ERC2: variants seen among roughly 807,000 people sequenced by gnomAD.
ERC2 encodes ELKS/RAB6-interacting/CAST family member 2.
A neutral mutation model predicts 114.8 loss-of-function variants in ERC2; 42 were observed. The observed-to-expected ratio is 0.37, with a 90% CI of 0.29 to 0.47. The LOEUF (loss-of-function observed/expected upper bound fraction) is 0.47. ERC2 is among the 20% of genes least tolerant of loss of function. The probability of loss-of-function intolerance (pLI) is 0.99; values close to 1 mark genes in which losing one functional copy is unlikely to be tolerated. For synonymous variants in ERC2, 454 were observed against 425.5 expected, an observed-to-expected ratio of 1.07 and a Z score of -0.82; for missense variants, 939 against 1,150.7, an observed-to-expected ratio of 0.82 and a Z score of 2.66.
intron 2 of ERC2, among the ~76,000 whole-genome samples, chr3:56,310,698 G>A (rs1250091653): frequency 1.3e-5 from 2 of 152,116 alleles, no homozygotes; most frequent in African/African-American, 4.8e-5. Flanking sequence ...TGAGAAGGGA[G>A]AATAACAGAC....
At chr3:55,631,782 G>A (rs1388279320) in intron 17 of ERC2, among the ~76,000 whole-genome samples, 1 of 152,206 alleles carries the variant, frequency 6.6e-6, no homozygotes, top group African/African-American at 2.4e-5. Flanking sequence ...AATCCACACT[G>A]TTGGCTTCTA....
chr3:55,766,390 GC>G (rs199668555), intron 14 of ERC2, among the ~76,000 whole-genome samples: 1,765 of 151,982 alleles, frequency 0.012, 29 homozygotes, highest in South Asian at 0.054. Flanking sequence ...ATGGAGTCTC[GC>G]TCTGTCGCCC....
intron 17 of ERC2, among the ~76,000 whole-genome samples, chr3:55,661,048 T>C (rs1251657303): frequency 2.6e-5 from 4 of 152,240 alleles, no homozygotes; most frequent in Admixed American, 2.6e-4. Context: ...CAGCTTGTCC[T>C]GTGGGCCAAG....
intron 7 of ERC2, among the ~76,000 whole-genome samples, chr3:56,031,099 A>G (rs944088859): frequency 2.5e-4 from 38 of 152,130 alleles, no homozygotes; most frequent in African/African-American, 8.9e-4. Flanking sequence ...GCTGGCCTCC[A>G]AATACTCAAG....
At chr3:55,855,976 C>T (rs1437674877) in intron 14 of ERC2, among the ~76,000 whole-genome samples, 3 of 152,308 alleles carry the variant, frequency 2.0e-5, no homozygotes, top group Admixed American at 6.5e-5. Flanking sequence ...ATTCTTTCCT[C>T]TCTTGCCCCT....
chr3:55,618,204 C>T (rs1206712895), intron 17 of ERC2, among the ~76,000 whole-genome samples: 3 of 151,840 alleles, frequency 2.0e-5, no homozygotes, highest in Non-Finnish European at 4.4e-5. Flanking sequence ...GAGCTCTTTA[C>T]CTATTGGAGT....
chr3:55,884,406 C>T (rs1358647057), intron 14 of ERC2, among the ~76,000 whole-genome samples: 1 of 152,144 alleles, frequency 6.6e-6, no homozygotes, highest in Admixed American at 6.5e-5. Context: ...TCTCTCTCTC[C>T]ATGTTAGGAT....
intron 13 of ERC2, among the ~76,000 whole-genome samples, chr3:55,949,300 G>T (rs1383421165): frequency 6.6e-6 from 1 of 152,110 alleles, no homozygotes; most frequent in Non-Finnish European, 1.5e-5. Context: ...AACCCGGGAG[G>T]TGGAGCTTGC....
intron 3 of ERC2, among the ~76,000 whole-genome samples, chr3:56,292,698 C>G (rs1032548951): frequency 6.6e-6 from 1 of 152,110 alleles, no homozygotes; most frequent in Non-Finnish European, 1.5e-5. Flanking sequence ...CATTTGTTAG[C>G]AGTGTGACAT....
At chr3:55,650,521 A>G (rs748886365) in intron 17 of ERC2, among the ~76,000 whole-genome samples, 3 of 152,120 alleles carry the variant, frequency 2.0e-5, no homozygotes, top group Non-Finnish European at 2.9e-5. Context: ...CTTTGTACTT[A>G]CCACTGTCTA....
At chr3:56,368,188 A>ATT (rs2059228384) in intron 2 of ERC2, among the ~76,000 whole-genome samples, 1 of 146,360 alleles carries the variant, frequency 6.8e-6, no homozygotes, top group Non-Finnish European at 1.5e-5. Context: ...TTTTTTTTAA[A>ATT]AAAAAAAAAA....
At chr3:55,974,846 A>G (rs1445350050) in intron 12 of ERC2, among the ~76,000 whole-genome samples, 3 of 152,204 alleles carry the variant, frequency 2.0e-5, no homozygotes, top group Admixed American at 2.0e-4. Flanking sequence ...TGCCAACACA[A>G]ACAGCTTCTC....
chr3:56,216,859 T>A (rs1274954780), intron 3 of ERC2, among the ~76,000 whole-genome samples: 3 of 152,190 alleles, frequency 2.0e-5, no homozygotes, highest in Non-Finnish European at 4.4e-5. Context: ...ATAAAAATAA[T>A]CCAGCATATA....
chr3:55,806,775 C>T (rs1254520986), intron 14 of ERC2, among the ~76,000 whole-genome samples: 2 of 152,186 alleles, frequency 1.3e-5, no homozygotes, highest in Non-Finnish European at 2.9e-5. Flanking sequence ...GGCCAACACA[C>T]CTGAGTTGGG....
intron 2 of ERC2, among the ~76,000 whole-genome samples, chr3:56,342,130 C>G (rs919791805): frequency 6.6e-6 from 1 of 152,260 alleles, no homozygotes; most frequent in African/African-American, 2.4e-5. Context: ...TCAGGCAACT[C>G]TCTTTCCAGC....
At chr3:55,747,174 C>G (rs545259403) in intron 14 of ERC2, among the ~76,000 whole-genome samples, 2 of 152,196 alleles carry the variant, frequency 1.3e-5, no homozygotes, top group African/African-American at 4.8e-5. Context: ...TATTCAAATC[C>G]CCATTCTGCT....
intron 14 of ERC2, 61 bp from the exon 15 acceptor site, chr3:55,734,979 G>A: frequency 7.0e-7 from 1 of 1,437,816 alleles, no homozygotes; most frequent in Non-Finnish European, 9.2e-7. Flanking sequence ...CAAACAATTG[G>A]CATTTATAGT....
chr3:56,405,023 C>T (rs1025497629), intron 2 of ERC2, among the ~76,000 whole-genome samples: 3 of 152,018 alleles, frequency 2.0e-5, no homozygotes, highest in South Asian at 2.1e-4. Flanking sequence ...ACCAAGCGAA[C>T]GTACAAGCAA....
intron 14 of ERC2, among the ~76,000 whole-genome samples, chr3:55,752,259 C>A (rs1296577372): frequency 6.6e-6 from 1 of 152,184 alleles, no homozygotes; most frequent in African/African-American, 2.4e-5. Context: ...TCCTAATTGG[C>A]AGCTCTCTAA....
Sources: allele counts gnomAD v4.1 joint callset (sites outside exome capture counted in the v4.1 genomes callset), GRCh38; gene constraint gnomAD v4.1.1; transcripts MANE v1.5; gene names NCBI Gene and HGNC (gene_info 2026-07-23, HGNC 2026-07-21).